Variants in P4HA1 observed in about 807,000 individuals in gnomAD.
P4HA1 encodes prolyl 4-hydroxylase subunit alpha 1, also known as prolyl 4-hydroxylase subunit alpha-1.
In P4HA1, 24 loss-of-function variants were observed where a neutral mutation model predicts 72.8. The observed-to-expected ratio is 0.33, with a 90% CI of 0.24 to 0.46. The LOEUF (loss-of-function observed/expected upper bound fraction) is 0.46, where lower values mean the gene tolerates loss of function less well. Ranked by LOEUF, P4HA1 falls within the 20% of genes least tolerant of loss-of-function variation. The probability of loss-of-function intolerance (pLI) is 1.00; values close to 1 mark genes in which losing one functional copy is unlikely to be tolerated. For synonymous variants in P4HA1, 201 were observed against 218.8 expected (o/e 0.92, Z 0.72); for missense variants, 446 against 640.6 (o/e 0.70, Z 3.28).
At chr10:73,078,434 TTGAC>T (rs1564636377) in intron 1 of P4HA1, among the ~76,000 whole-genome samples, 2 of 152,060 alleles carry the variant, frequency 1.3e-5, no homozygotes, top group Non-Finnish European at 2.9e-5. Context: ...GGAATCTATA[TTGAC>T]TAAGATTATG....
Position 73,046,913 on chromosome 10 carries a change from A to G in P4HA1, c.1077+12T>C. 6.4e-7 allele frequency: 1 copy of G among 1,568,406 alleles called. No individual in the cohort carries two copies. The highest frequency in any genetic ancestry group is 8.7e-7 in the Non-Finnish European group (1 of 1,148,780). On this transcript the variant is annotated intron_variant, in intron 8 of 14. Transcript: ENST00000394890. ...CAGTAAATTGAGGAGAAAGAAAGAA[A>G]ACATTATTTACCCTTGGTTTTGCTA...
In P4HA1 at chr10:73,053,258, A is replaced by C. The variant is rs1841059934; in HGVS notation, c.703+93T>G. 3 of 1,250,366 alleles carry C rather than the reference A, an allele frequency of 2.4e-6. No homozygotes were observed. The South Asian group carries it at 4.4e-5, about 18-fold the overall frequency. 77.5% of individuals were successfully genotyped at this position (1,250,366 alleles called of 1,614,324 possible). A position where few individuals can be genotyped will look rare whatever the true frequency, so the allele number is the denominator to read the frequency against. On this transcript the variant is annotated intron_variant, in intron 6 of 14. Coordinates refer to ENST00000394890, the MANE Select transcript of P4HA1 (RefSeq NM_001017962.3). ...AGCTCCTGACTTCTAAAAAGTAAGAAAATACCATATATAAATGAGGGAAAG... is the reference window on the plus strand; with the variant it reads ...AGCTCCTGACTTCTAAAAAGTAAGACAATACCATATATAAATGAGGGAAAG...
intron 10 of P4HA1, among the ~76,000 whole-genome samples, chr10:73,026,360 A>G (rs528075492): frequency 1.3e-5 from 2 of 152,348 alleles, no homozygotes; most frequent in Non-Finnish European, 2.9e-5. Flanking sequence ...TGGGGAAAGG[A>G]TTCCCTATTT....
In P4HA1 at chr10:73,008,412, G is replaced by A. The variant is rs189526222; in HGVS notation, c.1535-120C>T. On this transcript the variant is annotated intron_variant, in intron 14 of 14. Coordinates refer to ENST00000394890, the MANE Select transcript of P4HA1 (RefSeq NM_001017962.3). ...GGGATAAAAGTTCAACACCAAAACC[G>A]GATAAAGGCAGATGCTACTTAAAAA... 1.1e-4 allele frequency: 69 copies of A among 641,970 alleles called. No homozygotes were observed. In the Admixed American group the frequency reaches 1.1e-3, roughly 10 times the overall value. 39.8% of individuals were successfully genotyped at this position (641,970 alleles called of 1,614,324 possible).
intron 1 of P4HA1, among the ~76,000 whole-genome samples, chr10:73,087,830 G>A (rs1220140607): frequency 3.9e-5 from 6 of 152,046 alleles, no homozygotes; most frequent in African/African-American, 1.4e-4. Flanking sequence ...TCAGATATGT[G>A]ATGGGGAATA....
chr10:73,054,999 A>G (rs1015858824), intron 5 of P4HA1, among the ~76,000 whole-genome samples: 9 of 152,144 alleles, frequency 5.9e-5, no homozygotes, highest in African/African-American at 2.2e-4. Flanking sequence ...CCAAGGAAGG[A>G]GAACTGCTTA....
chr10:73,086,851 T>C (rs1841932698), intron 1 of P4HA1, among the ~76,000 whole-genome samples: 1 of 148,782 alleles, frequency 6.7e-6, no homozygotes. Context: ...GGAGAATTGC[T>C]TGAACCCAGG....
At chr10:73,083,831 T>A (rs559690663) in intron 1 of P4HA1, among the ~76,000 whole-genome samples, 19 of 152,356 alleles carry the variant, frequency 1.2e-4, no homozygotes, top group African/African-American at 4.1e-4. Flanking sequence ...ACAGGTTTTT[T>A]AAATTTAATA....
intron 9 of P4HA1, among the ~76,000 whole-genome samples, chr10:73,041,207 G>T (rs1265963800): frequency 6.6e-6 from 1 of 152,008 alleles, no homozygotes; most frequent in Non-Finnish European, 1.5e-5. Flanking sequence ...GCAGAAGCAG[G>T]TCTCTCTGAC....
At chr10:73,091,605 T>C (rs751528378) in intron 1 of P4HA1, among the ~76,000 whole-genome samples, 14 of 152,236 alleles carry the variant, frequency 9.2e-5, no homozygotes, top group Non-Finnish European at 1.6e-4. Flanking sequence ...TGCAGACACA[T>C]GTAACAGGAT....
At chr10:73,016,805 G>A in intron 11 of P4HA1, 41 bp downstream of exon 11, 18 of 1,412,170 alleles carry the variant, frequency 1.3e-5, no homozygotes, top group Non-Finnish European at 1.8e-5. Context: ...ACAATGTAAT[G>A]CATAAGCCTC....
intron 1 of P4HA1, among the ~76,000 whole-genome samples, chr10:73,089,710 T>TAA (rs10700344): frequency 0.056 from 5,369 of 95,796 alleles, 330 homozygotes; most frequent in African/African-American, 0.17. Flanking sequence ...TTCCCCGTGC[T>TAA]AAAAAAAAAA....
intron 5 of P4HA1, among the ~76,000 whole-genome samples, chr10:73,059,156 T>C (rs1841236923): frequency 6.6e-6 from 1 of 151,600 alleles, no homozygotes; most frequent in South Asian, 2.1e-4. Flanking sequence ...AAACTGGAAA[T>C]AGTAAAACTA....
chr10:73,032,692 C>A (rs1209405782), intron 9 of P4HA1, among the ~76,000 whole-genome samples: 1 of 152,162 alleles, frequency 6.6e-6, no homozygotes, highest in Non-Finnish European at 1.5e-5. Flanking sequence ...CCTTAGTTAC[C>A]ACTTCTTTAG....
Position 73,030,364 on chromosome 10 carries a change from C to A in P4HA1, c.1155G>T (p.Trp385Cys). 2 of 1,541,066 alleles carry A rather than the reference C, an allele frequency of 1.3e-6. No individual in the cohort carries two copies. The highest frequency in any genetic ancestry group is 1.2e-5 in the South Asian group (1 of 83,480). ...CCACAGGATTTTCATAGCCAGAGAGCCAGGCACTAAGAATAAGAGGAATAT... is the reference window on the plus strand; with the variant it reads ...CCACAGGATTTTCATAGCCAGAGAGACAGGCACTAAGAATAAGAGGAATAT... Reference protein sequence around the residue: ...TVHYRISKSAWLSGYENPVVS... With the variant: ...TVHYRISKSACLSGYENPVVS... The change falls in exon 10 of 15, where the codon TGG (tryptophan) becomes TGT (cysteine). Residue 385 changes from tryptophan to cysteine, a missense_variant. Coordinates refer to ENST00000394890, the MANE Select transcript of P4HA1 (RefSeq NM_001017962.3).
intron 10 of P4HA1, among the ~76,000 whole-genome samples, chr10:73,026,606 G>A (rs931159955): frequency 2.6e-5 from 4 of 152,140 alleles, no homozygotes; most frequent in Admixed American, 1.3e-4. Flanking sequence ...ATATACAAGT[G>A]GGATCTAATT....
At chr10:73,009,355 G>A (rs1039523537) in intron 14 of P4HA1, among the ~76,000 whole-genome samples, 7 of 152,138 alleles carry the variant, frequency 4.6e-5, no homozygotes, top group Non-Finnish European at 7.3e-5. Flanking sequence ...GGTGCTACTC[G>A]AGCCTCACAT....
At chr10:73,078,991 C>T (rs1443301689) in intron 1 of P4HA1, among the ~76,000 whole-genome samples, 1 of 152,176 alleles carries the variant, frequency 6.6e-6, no homozygotes, top group South Asian at 2.1e-4. Context: ...TAACTTCGTA[C>T]AAAATAATAA....
chr10:73,082,061 TC>T (rs1841837040), intron 1 of P4HA1, among the ~76,000 whole-genome samples: 1 of 152,234 alleles, frequency 6.6e-6, no homozygotes, highest in Admixed American at 6.5e-5. Flanking sequence ...ATTCTGTGGT[TC>T]ACTTTCGGTA....
Sources: allele counts gnomAD v4.1 joint callset (sites outside exome capture counted in the v4.1 genomes callset), GRCh38; gene constraint gnomAD v4.1.1; transcripts MANE v1.5; gene names NCBI Gene and HGNC (gene_info 2026-07-23, HGNC 2026-07-21).